The following HERC1 variants were observed in gnomAD, a reference collection of about 807,000 sequenced individuals.
HERC1 encodes probable E3 ubiquitin-protein ligase HERC1.
Under a neutral mutation model 554.3 loss-of-function variants are expected in HERC1, and 160 were observed. The ratio of observed to expected loss-of-function variants is 0.29; its 90% confidence interval spans 0.25 to 0.33. HERC1 has a LOEUF of 0.33. Ranked by LOEUF, HERC1 falls within the 10% of genes least tolerant of loss-of-function variation. The pLI, the probability that HERC1 is intolerant of heterozygous loss-of-function variation, is 1.00. For synonymous variants in HERC1, 2,175 were observed against 2,131.7 expected (o/e 1.02, Z -0.56); for missense variants, 4,919 against 5,918.5 (o/e 0.83, Z 5.54).
rs1272659878 is a variant in HERC1 at position 63,686,420 on chromosome 15, C to G, written c.6164G>C (p.Ser2055Thr). Residue 2055 changes from serine to threonine, a missense_variant, in exon 34 of 78, where the codon AGT (serine) becomes ACT (threonine). Physicochemically the swap from Ser to Thr is moderately conservative, Grantham distance 58 (BLOSUM62 1). Transcript: ENST00000443617. ...VENGQILTHGSGGKGYGLAST... is the reference protein window; with the variant it reads ...VENGQILTHGTGGKGYGLAST... ...TGCCAATCCATATCCTTTCCCTCCA[C>G]TGCCGTGAGTTAAAATCTGTCCATT... is the stretch of plus-strand genomic sequence containing the variant. The G allele has an allele frequency of 1.2e-6, 2 of 1,613,746 alleles. No homozygotes were observed. The highest frequency in any genetic ancestry group is 2.7e-5 in the African/African-American group (2 of 74,926).
intron 48 of HERC1, among the ~76,000 whole-genome samples, chr15:63,657,712 G>C (rs1244772411): frequency 6.6e-6 from 1 of 152,080 alleles, no homozygotes. Context: ...CCAAGACCAA[G>C]AAGCAATTCT....
chr15:63,640,061 T>C (rs1273849705), intron 61 of HERC1, 91 bp downstream of exon 61: 4 of 1,245,150 alleles, frequency 3.2e-6, no homozygotes, highest in Non-Finnish European at 4.5e-6. Context: ...TAGCCATGCA[T>C]ACCAGCAAAG....
Position 63,666,156 on chromosome 15 carries a change from C to G in HERC1, c.8324-6G>C, listed in dbSNP as rs772572130. On this transcript the variant is annotated splice_region_variant and splice_polypyrimidine_tract_variant and intron_variant, in intron 41 of 77. Transcript: ENST00000443617. ...ATCAGCCTCTCCCCTAGCACCTATA[C>G]AGGGGAAAAACAGTCTGATGCTGAC... is the stretch of plus-strand genomic sequence containing the variant. The G allele has an allele frequency of 3.7e-5, 59 of 1,600,980 alleles. No individual in the cohort carries two copies. The Admixed American group carries it at 1.0e-3, about 28-fold the overall frequency.
At position 63,615,933 on chromosome 15, in the gene HERC1, G is replaced by A. The variant is rs1188780829; in HGVS notation, c.13942-13C>T. The A allele has an allele frequency of 1.9e-6, 3 of 1,566,596 alleles. No homozygotes were observed. Among genetic ancestry groups the A allele is most frequent in the Non-Finnish European group, 2.6e-6 (3 of 1,160,798 alleles). ...CAAGAGGAATCATCTAGGAACAGAA[G>A]AAAACAGAATTTTTATTACATGGTA... On this transcript the variant is annotated splice_polypyrimidine_tract_variant and intron_variant, in intron 75 of 77. Transcript: ENST00000443617.
At position 63,649,036 on chromosome 15, in the gene HERC1, T is replaced by C. The variant is rs538188962; in HGVS notation, c.10747+689A>G. 6.2e-4 allele frequency among the ~76,000 whole-genome samples: 95 copies of C among 152,284 alleles called. 2 individuals are homozygous for C. The highest frequency in any genetic ancestry group is 2.2e-3 in the African/African-American group (90 of 41,578). On this transcript the variant is annotated intron_variant, in intron 54 of 77. Transcript: ENST00000443617. ...CCCTGCTTCCCCTTCCTCCATTACT[T>C]CAATTTTACTCATTTTTTAAAAGAC...
At chr15:63,636,972 A>C (rs1363655208) in intron 64 of HERC1, 1 of 350,936 alleles carries the variant, frequency 2.8e-6, no homozygotes, top group Non-Finnish European at 5.6e-6. Context: ...ACTCATAGTT[A>C]CTTGTATGCT....
chr15:63,756,760 G>A lies in HERC1; in HGVS notation c.1222-12C>T. 2 of 1,510,086 alleles carry A rather than the reference G, an allele frequency of 1.3e-6. No individual in the cohort carries two copies. The allele number at this position is 1,510,086 out of a possible 1,614,324, so 93.5% of individuals were successfully genotyped here. A position where few individuals can be genotyped will look rare whatever the true frequency, so the allele number is the denominator to read the frequency against. On this transcript the variant is annotated splice_polypyrimidine_tract_variant and intron_variant, in intron 4 of 77. Coordinates refer to ENST00000443617, the MANE Select transcript of HERC1 (RefSeq NM_003922.4). This position sits in a 1 kb window ranked among gnomAD's most constrained non-coding sequence, Gnocchi z 5.0. ...TGTCCAGCTTCAATCTATAAACAAA[G>A]AATCATAAATATAAAATACTTCTGT...
chr15:63,654,097 A>T (rs774116333), intron 51 of HERC1, 22 bp downstream of exon 51: 4 of 1,577,020 alleles, frequency 2.5e-6, no homozygotes, highest in Non-Finnish European at 3.5e-6. Context: ...TGATTAACAC[A>T]CTTTCCACTC....
intron 26 of HERC1, among the ~76,000 whole-genome samples, chr15:63,697,674 C>G (rs1439646979): frequency 6.6e-6 from 1 of 152,096 alleles, no homozygotes; most frequent in South Asian, 2.1e-4. Flanking sequence ...AGGCTGGTTT[C>G]AAACTCCTGA....
chr15:63,794,934 T>C (rs536608249), intron 1 of HERC1, among the ~76,000 whole-genome samples: 7 of 151,858 alleles, frequency 4.6e-5, no homozygotes, highest in African/African-American at 1.4e-4. Context: ...GGCGTGGTGG[T>C]GTGTACCTGT....
intron 34 of HERC1, among the ~76,000 whole-genome samples, chr15:63,683,705 G>A (rs62014212): frequency 0.03 from 4,559 of 152,302 alleles, 112 homozygotes; most frequent in Middle Eastern, 0.061. Context: ...CTGGCATGCA[G>A]TAGTGTAAAC....
chr15:63,770,268 A>AG (rs535916371), intron 2 of HERC1, among the ~76,000 whole-genome samples: 98 of 152,254 alleles, frequency 6.4e-4, no homozygotes, highest in South Asian at 5.2e-3. Context: ...AAATAACCTC[A>AG]GGGGTACTTC....
chr15:63,674,413 G>C lies in HERC1; in HGVS notation c.7775C>G (p.Ala2592Gly). 2 of 1,613,606 alleles carry C rather than the reference G, an allele frequency of 1.2e-6. No homozygotes were observed. The highest frequency in any genetic ancestry group is 2.2e-5 in the South Asian group (2 of 91,050). Reference sequence around the variant, plus strand: ...CACTAATTTATAGATCATGGCTTGCGCTCGTTCCAGATCAGCTAATCCCAA... The same window carrying C: ...CACTAATTTATAGATCATGGCTTGCCCTCGTTCCAGATCAGCTAATCCCAA... ...RALGLADLER[A>G]QAMIYKLVVH... is the part of the protein sequence containing the mutation. Residue 2592 changes from alanine (A) to glycine (G), a missense_variant, in exon 38 of 78, where the codon GCG (alanine) becomes GGG (glycine). Ala to Gly is a moderately conservative substitution (Grantham distance 60). Around this residue, in one of 11 missense-constraint regions of HERC1, gnomAD observed 1,963 missense variants for 2,228.6 expected, o/e 0.88. Coordinates refer to ENST00000443617, the MANE Select transcript of HERC1 (RefSeq NM_003922.4).
At chr15:63,656,511 G>A (rs559567334) in intron 48 of HERC1, among the ~76,000 whole-genome samples, 153 bp from the exon 49 acceptor site, 1 of 152,322 alleles carries the variant, frequency 6.6e-6, no homozygotes, top group East Asian at 1.9e-4. Flanking sequence ...GTTGCCAAAG[G>A]TATCAAGCTG....
intron 25 of HERC1, among the ~76,000 whole-genome samples, chr15:63,704,655 G>T (rs947789068): frequency 2.0e-5 from 3 of 149,164 alleles, no homozygotes; most frequent in Non-Finnish European, 4.4e-5. Flanking sequence ...AATTTTCAAA[G>T]AATTACCAAA....
At chr15:63,754,366 T>A in intron 7 of HERC1, 139 bp downstream of exon 7, 1 of 494,462 alleles carries the variant, frequency 2.0e-6, no homozygotes, top group Non-Finnish European at 3.3e-6. Context: ...AAGTAACATT[T>A]GTAAAAGCTC....
At chr15:63,679,230 T>A (rs2071354308) in intron 36 of HERC1, among the ~76,000 whole-genome samples, 2 of 152,232 alleles carry the variant, frequency 1.3e-5, no homozygotes, top group Admixed American at 1.3e-4. Flanking sequence ...AGGGATGGTA[T>A]CAGGCACTGG....
chr15:63,738,552 TAAA>T (rs562465061), intron 12 of HERC1, among the ~76,000 whole-genome samples: 7 of 151,990 alleles, frequency 4.6e-5, no homozygotes. Context: ...GTAGTTCAAA[TAAA>T]AAAATTTTTT....
chr15:63,685,973 G>A (rs984284370), intron 34 of HERC1, among the ~76,000 whole-genome samples: 28 of 152,162 alleles, frequency 1.8e-4, no homozygotes, highest in Non-Finnish European at 3.8e-4. Context: ...GCTAGGCAGA[G>A]GGTACCAATA....
Sources: gnomAD v4.1 joint callset for allele counts (sites outside exome capture counted in the v4.1 genomes callset) on GRCh38, gnomAD v4.1.1 for gene constraint, gnomAD v4.1.1 regional missense constraint, Gnocchi (gnomAD v3.1) non-coding constraint, MANE v1.5 for transcripts, NCBI Gene and HGNC (gene_info 2026-07-23, HGNC 2026-07-21) for gene names.